Variants in BAG6 observed in about 807,000 individuals in gnomAD.
BAG6 encodes BAG cochaperone 6.
A neutral mutation model predicts 121.0 loss-of-function variants in BAG6; 22 were observed. The observed-to-expected ratio is 0.18, with a 90% confidence interval of 0.13 to 0.26. The LOEUF is 0.26. Ranked by LOEUF, BAG6 falls within the 10% of genes least tolerant of loss-of-function variation. BAG6 has a pLI of 1.00. For missense variants in BAG6, 1,233 were observed against 1,537.7 expected (o/e 0.80, Z 3.31); for synonymous variants, 583 against 584.6 (o/e 1.00, Z 0.04).
chr6:31,643,139 G>A, intron 14 of BAG6, 24 bp from the exon 15 acceptor site: 1 of 1,533,492 alleles, frequency 6.5e-7, no homozygotes, highest in Middle Eastern at 2.3e-4. Context: ...AAAAAAGAAA[G>A]CTGGGCTGAG....
At chr6:31,643,414 T>C (rs1485611449) in intron 14 of BAG6, among the ~76,000 whole-genome samples, 1 of 146,446 alleles carries the variant, frequency 6.8e-6, no homozygotes, top group African/African-American at 2.5e-5. Context: ...AGCAAGACTC[T>C]GTAACTTAAA....
Position 31,639,396 on chromosome 6 carries a change from G to A in BAG6, c.3393+104C>T, listed in dbSNP as rs542885209. 8.5e-6 allele frequency: 13 copies of A among 1,525,096 alleles called. No homozygotes were observed. The East Asian group carries it at 2.5e-4, about 29-fold the overall frequency. 94.5% of individuals were successfully genotyped at this position (1,525,096 alleles called of 1,614,324 possible). A position where few individuals can be genotyped will look rare whatever the true frequency, so the allele number is the denominator to read the frequency against. On this transcript the variant is annotated intron_variant, in intron 25 of 25. Coordinates refer to ENST00000676615, the MANE Select transcript of BAG6 (RefSeq NM_001387994.1). ...CCAGATGCCAAAGGGGAAAACAAAT[G>A]GTAGCACCAGGCTGACCAGTTCATC...
At chr6:31,648,558 G>A in intron 6 of BAG6, 119 bp downstream of exon 6, 1 of 935,392 alleles carries the variant, frequency 1.1e-6, no homozygotes, top group East Asian at 2.4e-5. Flanking sequence ...ATACTGCAGA[G>A]AAGACTAGAT....
intron 2 of BAG6, among the ~76,000 whole-genome samples, chr6:31,651,299 G>A (rs1186323048): frequency 6.6e-6 from 1 of 152,230 alleles, no homozygotes; most frequent in Non-Finnish European, 1.5e-5. Context: ...AGCACTTTGG[G>A]AGGCCGAGGA....
chr6:31,639,412 C>A (rs561073077), intron 25 of BAG6, 88 bp downstream of exon 25: 2 of 1,544,694 alleles, frequency 1.3e-6, no homozygotes, highest in Non-Finnish European at 8.8e-7. Context: ...ACCAGGCTGA[C>A]CAGTTCATCG....
chr6:31,651,631 T>C (rs961380067), intron 2 of BAG6, 25 bp downstream of exon 2: 2 of 1,600,148 alleles, frequency 1.2e-6, no homozygotes, highest in Non-Finnish European at 1.7e-6. Context: ...TAAAGGTGTC[T>C]TCCAGAACTA....
intron 8 of BAG6, among the ~76,000 whole-genome samples, chr6:31,645,821 T>G (rs1295143988): frequency 6.6e-6 from 1 of 152,226 alleles, no homozygotes; most frequent in African/African-American, 2.4e-5. Flanking sequence ...CAGTAAGTCA[T>G]CATATACTGA....
In BAG6 at chr6:31,639,443, G is replaced by A. The variant is rs531363799; in HGVS notation, c.3393+57C>T. 7.5e-5 allele frequency: 118 copies of A among 1,572,148 alleles called. No individual in the cohort carries two copies. The East Asian group carries it at 2.5e-3, about 34-fold the overall frequency. On this transcript the variant is annotated intron_variant, in intron 25 of 25. Transcript: ENST00000676615. The stretch of plus-strand genomic sequence containing the variant: ...CATCGCTGAAGGGATCCAGGGAAGA[G>A]GGACCCTAGCCCAACCCCTCCCACT...
Position 31,647,637 on chromosome 6 carries a change from G to A in BAG6, c.742C>T (p.Pro248Ser), listed in dbSNP as rs988653844. 1.2e-6 allele frequency: 2 copies of A among 1,606,186 alleles called. No individual in the cohort carries two copies. The highest frequency in any genetic ancestry group is 1.7e-6 in the Non-Finnish European group (2 of 1,177,504). The change falls in exon 7 of 26, where the codon CCA (proline) becomes TCA (serine). Residue 248 changes from proline to serine, a missense_variant. Pro to Ser is a moderately conservative substitution (Grantham distance 74). Around this residue, in one of 7 missense-constraint regions of BAG6, gnomAD observed 777 missense variants for 861.4 expected, o/e 0.90. Coordinates refer to ENST00000676615, the MANE Select transcript of BAG6 (RefSeq NM_001387994.1). ...GCAGGTGTTGGGCCCGCTGGGGCTG[G>A]GCCAGGAGTGAGCTCCGGGTTCTGG... ...PAQNPELTPG[P>S]APAGPTPAPE...
rs778768880 is a variant in BAG6 at position 31,647,608 on chromosome 6, C to T, written c.771G>A (p.Pro257=). Residue 257 remains proline, a synonymous_variant, in exon 7 of 26, where the codon CCG becomes CCA. Transcript: ENST00000676615. ...GPAPAGPTPA[P]ETNAPNHPSP... Reference sequence around the variant, plus strand: ...TCTCTCACTTGGGTGCATTTGTTTCCGGGGCAGGTGTTGGGCCCGCTGGGG... The same window carrying T: ...TCTCTCACTTGGGTGCATTTGTTTCTGGGGCAGGTGTTGGGCCCGCTGGGG... 19 of 1,609,460 alleles carry T rather than the reference C, an allele frequency of 1.2e-5. No individual in the cohort carries two copies. The highest frequency in any genetic ancestry group is 5.4e-5 in the African/African-American group (4 of 74,710).
In BAG6 at chr6:31,651,737, G is replaced by A; in HGVS notation, c.27C>T (p.Thr9=). 1 of 1,612,984 alleles carries A rather than the reference G, an allele frequency of 6.2e-7. No individual in the cohort carries two copies. The highest frequency in any genetic ancestry group is 8.5e-7 in the Non-Finnish European group (1 of 1,180,014). ...CCAAGCTGTCAGGCTCCTCCACAGC[G>A]GTACTGGTACTATCATTAGGCTCCA... The part of the protein sequence containing the change: MEPNDSTS[T]AVEEPDSLEV... Residue 9 remains threonine, a synonymous_variant, in exon 2 of 26, where the codon ACC becomes ACT. Coordinates refer to ENST00000676615, the MANE Select transcript of BAG6 (RefSeq NM_001387994.1).
intron 8 of BAG6, 122 bp from the exon 9 acceptor site, chr6:31,645,726 G>A: frequency 8.1e-7 from 1 of 1,234,688 alleles, no homozygotes; most frequent in Non-Finnish European, 1.1e-6. Context: ...TTATATCCTT[G>A]GAAGTTTACA....
Position 31,648,730 on chromosome 6 carries a change from C to A in BAG6, c.499G>T (p.Val167Leu), listed in dbSNP as rs758677421. Reference sequence around the variant, plus strand: ...TCCCTGATCATGTGCTGAGCCATCACCAGCCGTACCCGGGGCTCACTCTAC... The same window carrying A: ...TCCCTGATCATGTGCTGAGCCATCAACAGCCGTACCCGGGGCTCACTCTAC... ...PIQSEPRVRL[V>L]MAQHMIRDIQ... Residue 167 changes from valine to leucine, a missense_variant, in exon 6 of 26, where the codon GTG becomes TTG. This residue lies in a region of BAG6 where 777 missense variants were observed against 861.4 expected (regional missense o/e 0.90). Transcript: ENST00000676615. 6.2e-7 allele frequency: 1 copy of A among 1,614,066 alleles called. No individual in the cohort carries two copies. The highest frequency in any genetic ancestry group is 1.1e-5 in the South Asian group (1 of 91,074).
rs778064921 is a variant in BAG6 at position 31,640,244 on chromosome 6, A to G, written c.3201T>C (p.Pro1067=). The G allele has an allele frequency of 4.3e-6, 7 of 1,614,050 alleles. No homozygotes were observed. Among genetic ancestry groups the G allele is most frequent in the Admixed American group, 1.7e-5 (1 of 59,998 alleles). Residue 1067 remains proline (P), a synonymous_variant, in exon 24 of 26, where the codon CCT becomes CCC. Transcript: ENST00000676615. The surrounding 1 kb of genome is among the most constrained non-coding windows in gnomAD (Gnocchi z 4.2). ...QSQRKVKPQP[P]LSDAYLSGMP... is the part of the protein sequence containing the mutation. ...TACCACTGAGGTAGGCATCACTCAGAGGGGGCTGCGGTTTCACCTTCCGCT... is the reference window on the plus strand; with the variant it reads ...TACCACTGAGGTAGGCATCACTCAGGGGGGGCTGCGGTTTCACCTTCCGCT...
intron 2 of BAG6, among the ~76,000 whole-genome samples, chr6:31,650,490 T>A: frequency 6.6e-6 from 1 of 151,974 alleles, no homozygotes; most frequent in East Asian, 1.9e-4. Flanking sequence ...GGTAAAACCC[T>A]GTCTCTACTA....
At position 31,649,673 on chromosome 6, in the gene BAG6, A is replaced by G. The variant is rs368280285; in HGVS notation, c.109-46T>C. On this transcript the variant is annotated intron_variant, in intron 2 of 25. Transcript: ENST00000676615. ...CAGGAATGGAAAGAATGGAGGAAAG[A>G]GGAAGAACAAAGACAGACAACCGAG... The G allele has an allele frequency of 1.1e-5, 17 of 1,549,364 alleles. No homozygotes were observed. The African/African-American group carries it at 2.0e-4, about 19-fold the overall frequency.
In BAG6 at chr6:31,647,648, A is replaced by G. The variant is rs1383635710; in HGVS notation, c.731T>C (p.Leu244Pro). 1.9e-6 allele frequency: 3 copies of G among 1,604,726 alleles called. No individual in the cohort carries two copies. In the Admixed American group the frequency reaches 5.2e-5, roughly 28 times the overall value. ...EERAPAQNPELTPGPAPAGPT... is the reference protein window; with the variant it reads ...EERAPAQNPEPTPGPAPAGPT... ...GCCCGCTGGGGCTGGGCCAGGAGTG[A>G]GCTCCGGGTTCTGGGCTGGGGCACG... The change falls in exon 7 of 26, where the codon CTC becomes CCC. Residue 244 changes from leucine (L) to proline (P), a missense_variant. Around this residue, in one of 7 missense-constraint regions of BAG6, gnomAD observed 777 missense variants for 861.4 expected, o/e 0.90. Transcript: ENST00000676615.
Position 31,644,837 on chromosome 6 carries a change from TACC to T in BAG6, c.1369+106_1369+108del. 1 of 1,498,488 alleles carries T rather than the reference TACC, an allele frequency of 6.7e-7. No individual in the cohort carries two copies. The highest frequency in any genetic ancestry group is 1.4e-5 in the African/African-American group (1 of 71,996). 92.8% of individuals were successfully genotyped at this position (1,498,488 alleles called of 1,614,324 possible). On this transcript the variant is annotated intron_variant, in intron 10 of 25. Transcript: ENST00000676615. This position sits in a 1 kb window ranked among gnomAD's most constrained non-coding sequence, Gnocchi z 4.9. ...TAAGCTTCTGCTCTGGTCCCCAGGC[TACC>T]ACCACCAGCATGTGCCTCTCCCTTC...
Position 31,644,238 on chromosome 6 carries a change from G to C in BAG6, c.1556-44C>G, listed in dbSNP as rs1489693003. 1 of 1,585,002 alleles carries C rather than the reference G, an allele frequency of 6.3e-7. No individual in the cohort carries two copies. The highest frequency in any genetic ancestry group is 8.6e-7 in the Non-Finnish European group (1 of 1,165,854). ...ACAGACCGAAGAGGGCTGAGGGCCAGGCCCTTGCCAGCCAGCTGCCACCAT... is the reference window on the plus strand; with the variant it reads ...ACAGACCGAAGAGGGCTGAGGGCCACGCCCTTGCCAGCCAGCTGCCACCAT... On this transcript the variant is annotated intron_variant, in intron 12 of 25. Transcript: ENST00000676615. This position sits in a 1 kb window ranked among gnomAD's most constrained non-coding sequence, Gnocchi z 4.9.
Sources: allele counts gnomAD v4.1 joint callset (sites outside exome capture counted in the v4.1 genomes callset), GRCh38; gene constraint gnomAD v4.1.1; regional missense constraint gnomAD v4.1.1; non-coding constraint Gnocchi (gnomAD v3.1); transcripts MANE v1.5; gene names NCBI Gene and HGNC (gene_info 2026-07-23, HGNC 2026-07-21).